CSGALNACT1: variants seen among roughly 807,000 people sequenced by gnomAD.
CSGALNACT1 encodes the protein beta4GalNAcT-1.
In CSGALNACT1, 52 loss-of-function variants were observed where a neutral mutation model predicts 51.0. That is an observed-to-expected ratio of 1.02 (90% CI 0.82 to 1.29). The LOEUF is 1.29. CSGALNACT1 is among the 50% of genes most tolerant of loss of function. The pLI, the probability that CSGALNACT1 is intolerant of heterozygous loss-of-function variation, is 0.00. For missense variants in CSGALNACT1, 935 were observed against 679.2 expected (o/e 1.38, Z -4.19); for synonymous variants, 341 against 254.4 (o/e 1.34, Z -3.24).
intron 5 of CSGALNACT1, among the ~76,000 whole-genome samples, chr8:19,444,292 C>A (rs921903269): frequency 5.9e-5 from 9 of 152,128 alleles, no homozygotes; most frequent in African/African-American, 2.2e-4. Context: ...TGTTCTGTAT[C>A]ATCTAGGGAA....
At chr8:19,724,894 C>T (rs1408083892) in intron 1 of CSGALNACT1, among the ~76,000 whole-genome samples, 1 of 152,218 alleles carries the variant, frequency 6.6e-6, no homozygotes, top group Non-Finnish European at 1.5e-5. Flanking sequence ...GCCCCGCATT[C>T]TCTTCTTTGG....
intron 3 of CSGALNACT1, among the ~76,000 whole-genome samples, chr8:19,586,230 G>C (rs7007808): frequency 0.21 from 32,044 of 151,696 alleles, 5,341 homozygotes; most frequent in African/African-American, 0.47. Flanking sequence ...GGGCGTGGTG[G>C]TGAGTGTAAT....
chr8:19,619,987 C>CGGGT (rs940269031), intron 1 of CSGALNACT1, among the ~76,000 whole-genome samples: 1 of 152,078 alleles, frequency 6.6e-6, no homozygotes, highest in Non-Finnish European at 1.5e-5. Context: ...ATAATGGGAC[C>CGGGT]TACCCGAAGA....
intron 1 of CSGALNACT1, among the ~76,000 whole-genome samples, chr8:19,678,017 G>C (rs1310508516): frequency 6.6e-6 from 1 of 152,034 alleles, no homozygotes; most frequent in African/African-American, 2.4e-5. Flanking sequence ...TTGGGAGGCT[G>C]ACATGCTTGA....
chr8:19,480,946 T>G (rs1390938872), intron 4 of CSGALNACT1, among the ~76,000 whole-genome samples: 1 of 152,188 alleles, frequency 6.6e-6, no homozygotes, highest in African/African-American at 2.4e-5. Flanking sequence ...CCTGCTGTTT[T>G]GGCTCTCCTA....
chr8:19,637,523 A>G (rs565041594), intron 1 of CSGALNACT1, among the ~76,000 whole-genome samples: 1 of 152,364 alleles, frequency 6.6e-6, no homozygotes, highest in East Asian at 1.9e-4. Flanking sequence ...TTAAAATAAA[A>G]GCACTTAAAA....
chr8:19,461,673 C>CA lies in CSGALNACT1; in HGVS notation c.635-3032_635-3031insT, dbSNP rs1563527795. ...CACCATGGGGGGCGTATCCGCACAG[C>CA]GGCCACATTCACCATGGGGGGCGTA... On this transcript the variant is annotated intron_variant, in intron 4 of 9. Transcript: ENST00000454498. 2.3e-4 allele frequency among the ~76,000 whole-genome samples: 35 copies of CA among 150,484 alleles called. 10 individuals are homozygous for CA. Among genetic ancestry groups the CA allele is most frequent in the Non-Finnish European group, 4.0e-4 (27 of 67,660 alleles).
intron 1 of CSGALNACT1, among the ~76,000 whole-genome samples, chr8:19,731,492 C>A (rs897607534): frequency 2.6e-5 from 4 of 152,072 alleles, no homozygotes; most frequent in Non-Finnish European, 5.9e-5. Flanking sequence ...TGGACGAGAG[C>A]GAGACTCCAT....
intron 6 of CSGALNACT1, among the ~76,000 whole-genome samples, chr8:19,436,780 A>C (rs2060452587): frequency 6.6e-6 from 1 of 152,104 alleles, no homozygotes; most frequent in Non-Finnish European, 1.5e-5. Flanking sequence ...GCATGGTGGC[A>C]CATGCTTGTA....
chr8:19,476,913 C>T (rs925704507), intron 4 of CSGALNACT1, among the ~76,000 whole-genome samples: 2 of 152,150 alleles, frequency 1.3e-5, no homozygotes, highest in African/African-American at 2.4e-5. Context: ...ATGAGGCCTT[C>T]CCATGAGGTC....
At chr8:19,525,079 A>C (rs1171616155) in intron 3 of CSGALNACT1, among the ~76,000 whole-genome samples, 1 of 152,200 alleles carries the variant, frequency 6.6e-6, no homozygotes, top group Non-Finnish European at 1.5e-5. Context: ...TATTTCCAGC[A>C]ATTCAGAAAA....
At chr8:19,444,493 G>T (rs538487543) in intron 5 of CSGALNACT1, among the ~76,000 whole-genome samples, 2 of 152,066 alleles carry the variant, frequency 1.3e-5, no homozygotes, top group Non-Finnish European at 2.9e-5. Flanking sequence ...TAATGGAAAG[G>T]TTCTACTGGT....
At chr8:19,506,113 C>T (rs1473580192) in exon 4 of CSGALNACT1, 6 of 631,124 alleles carry the variant, frequency 9.5e-6, no homozygotes, top group African/African-American at 1.8e-5. Context: ...TGATGTGCAG[C>T]CAACAGCAAG....
chr8:19,424,777 A>G (rs2058515271), intron 6 of CSGALNACT1, among the ~76,000 whole-genome samples: 1 of 152,158 alleles, frequency 6.6e-6, no homozygotes, highest in Non-Finnish European at 1.5e-5. Flanking sequence ...TTCAAACACA[A>G]TGACACACTT....
intron 1 of CSGALNACT1, among the ~76,000 whole-genome samples, chr8:19,701,295 A>G (rs2061865587): frequency 6.6e-6 from 1 of 151,668 alleles, no homozygotes; most frequent in Non-Finnish European, 1.5e-5. Flanking sequence ...AGCTAGGATT[A>G]CAGATGTGCC....
At position 19,680,105 on chromosome 8, in the gene CSGALNACT1, C is replaced by T. The variant is rs531954676; in HGVS notation, c.-544+2368G>A. Among the ~76,000 whole-genome samples the T allele has an allele frequency of 3.4e-3, 523 of 152,228 alleles. 3 individuals are homozygous for T. The highest frequency in any genetic ancestry group is 0.012 in the African/African-American group (492 of 41,522). On this transcript the variant is annotated intron_variant, in intron 1 of 9. Transcript: ENST00000332246. ...CCCACAGGAATAATGTTATAGATTT[C>T]TATGTCAACCTCCAAAAGCCTATTT...
At chr8:19,733,418 T>C (rs2063794525) in intron 1 of CSGALNACT1, among the ~76,000 whole-genome samples, 1 of 152,220 alleles carries the variant, frequency 6.6e-6, no homozygotes, top group African/African-American at 2.4e-5. Flanking sequence ...CAAAAACCTA[T>C]ATTTTCTATT....
intron 4 of CSGALNACT1, among the ~76,000 whole-genome samples, chr8:19,485,759 CTTTTTT>C (rs386412239): frequency 7.8e-5 from 3 of 38,518 alleles, no homozygotes; most frequent in Non-Finnish European, 1.4e-4. Context: ...CCTCAGCTTG[CTTTTTT>C]TTTTTTTTTT....
intron 1 of CSGALNACT1, among the ~76,000 whole-genome samples, chr8:19,672,666 A>G (rs1237891465): frequency 6.6e-6 from 1 of 152,222 alleles, no homozygotes; most frequent in Admixed American, 6.5e-5. Flanking sequence ...AACATAAATG[A>G]AAAGCATCTT....
Sources: gnomAD v4.1 joint callset for allele counts (sites outside exome capture counted in the v4.1 genomes callset) on GRCh38, gnomAD v4.1.1 for gene constraint, MANE v1.5 for transcripts, NCBI Gene and HGNC (gene_info 2026-07-23, HGNC 2026-07-21) for gene names.